The following HTR2C variants were observed in gnomAD, a reference collection of about 807,000 sequenced individuals.
HTR2C encodes the protein 5-hydroxytryptamine receptor 2C.
Under a neutral mutation model 21.0 loss-of-function variants are expected in HTR2C, and 5 were observed. The observed-to-expected ratio is 0.24, with a 90% confidence interval of 0.12 to 0.50. The LOEUF is 0.50. Among genes scored for constraint, HTR2C ranks in the 20% least tolerant of loss-of-function variants. The pLI, the probability that HTR2C is intolerant of heterozygous loss-of-function variation, is 0.98. For synonymous variants in HTR2C, 150 were observed against 145.3 expected (o/e 1.03, Z -0.23); for missense variants, 271 against 371.2 (o/e 0.73, Z 2.22).
intron 2 of HTR2C, among the ~76,000 whole-genome samples, chrX:114,634,669 G>A (rs1487084558): frequency 9.1e-6 from 1 of 110,444 alleles, no homozygotes; most frequent in African/African-American, 3.3e-5. Context: ...AAATTAGAAG[G>A]GCACGGTGGC....
chrX:114,870,852 AC>A (rs1336809192), intron 5 of HTR2C, among the ~76,000 whole-genome samples: 18 of 111,374 alleles, frequency 1.6e-4, no homozygotes, highest in Non-Finnish European at 2.5e-4. Context: ...ATTTTGTCTA[AC>A]ATTTCAAAAA....
At chrX:114,861,720 C>A (rs1556472987) in intron 5 of HTR2C, among the ~76,000 whole-genome samples, 1 of 110,574 alleles carries the variant, frequency 9.0e-6, no homozygotes, top group Non-Finnish European at 1.9e-5. Context: ...GACTTGCATC[C>A]CTGATGATTA....
chrX:114,833,556 T>C (rs1424033150), intron 4 of HTR2C, among the ~76,000 whole-genome samples: 1 of 109,651 alleles, frequency 9.1e-6, no homozygotes, highest in African/African-American at 3.4e-5. Flanking sequence ...ATCCCCTTTA[T>C]CATTTTTTAT....
intron 5 of HTR2C, among the ~76,000 whole-genome samples, chrX:114,872,150 G>T (rs1339309290): frequency 2.7e-5 from 3 of 110,060 alleles, no homozygotes; most frequent in African/African-American, 9.9e-5. Context: ...TATCTTTTCT[G>T]CTCCCCTTCC....
intron 4 of HTR2C, chrX:114,774,972 C>A: frequency 2.0e-6 from 1 of 508,893 alleles, no homozygotes; most frequent in Non-Finnish European, 3.6e-6. Context: ...AGACTTTCTC[C>A]AGCTCTGTCT....
At chrX:114,701,434 T>C (rs1349598205) in intron 2 of HTR2C, among the ~76,000 whole-genome samples, 1 of 111,823 alleles carries the variant, frequency 8.9e-6, no homozygotes, top group Non-Finnish European at 1.9e-5. Context: ...CCACTGCTGC[T>C]GATAACCAGG....
At chrX:114,824,483 A>G (rs1202932285) in intron 4 of HTR2C, among the ~76,000 whole-genome samples, 3 of 112,099 alleles carry the variant, frequency 2.7e-5, no homozygotes, top group African/African-American at 6.5e-5. Context: ...AAATTTCACT[A>G]TGGATCTTTA....
intron 4 of HTR2C, among the ~76,000 whole-genome samples, chrX:114,810,773 T>A (rs2070523260): frequency 9.2e-6 from 1 of 108,279 alleles, no homozygotes; most frequent in Non-Finnish European, 1.9e-5. Flanking sequence ...TTTTTTTGTG[T>A]GTGGATAGTT....
chrX:114,767,381 A>G (rs1332021479), intron 4 of HTR2C, among the ~76,000 whole-genome samples: 3 of 110,925 alleles, frequency 2.7e-5, no homozygotes, highest in South Asian at 3.7e-4. Flanking sequence ...GAAAAAACCT[A>G]TTTTCTCCTC....
chrX:114,755,098 G>A (rs1484084333), intron 4 of HTR2C, among the ~76,000 whole-genome samples: 1 of 110,559 alleles, frequency 9.0e-6, no homozygotes, highest in African/African-American at 3.3e-5. Flanking sequence ...AAATCAGCCA[G>A]GTGTGGTGGC....
intron 4 of HTR2C, among the ~76,000 whole-genome samples, chrX:114,743,288 C>T (rs1432208338): frequency 9.2e-6 from 1 of 109,053 alleles, no homozygotes; most frequent in Non-Finnish European, 1.9e-5. Flanking sequence ...AGTTCTAGAT[C>T]CCTGAGGAAT....
chrX:114,696,386 G>C (rs782573558), intron 2 of HTR2C, among the ~76,000 whole-genome samples: 75 of 111,539 alleles, frequency 6.7e-4, no homozygotes, highest in African/African-American at 2.2e-3. Context: ...CATGTACTGA[G>C]ATGATGCTTC....
At chrX:114,794,876 C>A (rs1445484843) in intron 4 of HTR2C, among the ~76,000 whole-genome samples, 2 of 109,727 alleles carry the variant, frequency 1.8e-5, no homozygotes, top group Non-Finnish European at 3.8e-5. Context: ...ATTTATAGTC[C>A]TTTGGGTATA....
chrX:114,610,878 G>C (rs1013353054), intron 1 of HTR2C, among the ~76,000 whole-genome samples: 4 of 111,762 alleles, frequency 3.6e-5, no homozygotes, highest in Non-Finnish European at 7.5e-5. Context: ...TCGTGATCAG[G>C]AGGAAGGGAA....
At chrX:114,832,607 A>G (rs1380202040) in intron 4 of HTR2C, among the ~76,000 whole-genome samples, 3 of 34,070 alleles carry the variant, frequency 8.8e-5, no homozygotes, top group African/African-American at 1.8e-4. Context: ...GGGCTGAGAC[A>G]ATGGGGTTTT....
At chrX:114,726,614 G>C (rs1301583000) in intron 2 of HTR2C, among the ~76,000 whole-genome samples, 2 of 111,973 alleles carry the variant, frequency 1.8e-5, no homozygotes, top group African/African-American at 3.2e-5. Flanking sequence ...GGGGAAATTT[G>C]GTATAAACCA....
rs1236017925 is a variant in HTR2C, at chrX:114,791,785, A to G, written c.350-56218A>G. Reference sequence around the variant, plus strand: ...CACACAGACACACACACACACACGCACACACACAAAAAGAACTATTATCTA... The same window carrying G: ...CACACAGACACACACACACACACGCGCACACACAAAAAGAACTATTATCTA... On this transcript the variant is annotated intron_variant, in intron 4 of 5. Transcript: ENST00000276198. Among the ~76,000 whole-genome samples the G allele has an allele frequency of 8.1e-5, 9 of 111,151 alleles. No homozygotes were observed. The East Asian group carries it at 2.5e-3, about 31-fold the overall frequency.
intron 1 of HTR2C, among the ~76,000 whole-genome samples, chrX:114,596,580 G>A (rs1927855948): frequency 1.8e-5 from 2 of 111,567 alleles, no homozygotes; most frequent in African/African-American, 6.5e-5. Context: ...TTTTTGAGGA[G>A]TATTCAGTTT....
intron 4 of HTR2C, among the ~76,000 whole-genome samples, chrX:114,816,959 A>T (rs1441378461): frequency 2.7e-5 from 3 of 110,224 alleles, no homozygotes; most frequent in African/African-American, 9.8e-5. Flanking sequence ...AAAAAAATAG[A>T]TGATTACACA....
Sources: allele counts gnomAD v4.1 joint callset (sites outside exome capture counted in the v4.1 genomes callset), GRCh38; gene constraint gnomAD v4.1.1; transcripts MANE v1.5; gene names NCBI Gene and HGNC (gene_info 2026-07-23, HGNC 2026-07-21).